MSI2: variants seen among roughly 807,000 people sequenced by gnomAD.
MSI2 encodes musashi RNA binding protein 2, also known as RNA-binding protein Musashi homolog 2.
MSI2 carries 17 observed loss-of-function variants against 45.6 expected under a neutral mutation model. The ratio of observed to expected loss-of-function variants is 0.37; its 90% CI spans 0.26 to 0.56. The LOEUF is 0.56. Ranked by LOEUF, MSI2 falls within the 20% of genes least tolerant of loss-of-function variation. MSI2 has a pLI of 0.77. For missense variants in MSI2, 293 were observed against 444.2 expected (o/e 0.66, Z 3.06); for synonymous variants, 156 against 158.2 (o/e 0.99, Z 0.11).
chr17:57,298,025 C>T (rs540331194), intron 5 of MSI2, among the ~76,000 whole-genome samples: 32 of 152,024 alleles, frequency 2.1e-4, no homozygotes, highest in African/African-American at 7.7e-4. Context: ...TTCTTTTAAA[C>T]TTCTGTTAAT....
chr17:57,450,250 C>A (rs1258724636), intron 6 of MSI2: 1 of 94,692 alleles, frequency 1.1e-5, no homozygotes, highest in Non-Finnish European at 1.9e-5. Context: ...TGGTATTCCC[C>A]AGCTTAAAGA....
At chr17:57,493,462 G>A (rs2085915924) in intron 6 of MSI2, among the ~76,000 whole-genome samples, 1 of 152,070 alleles carries the variant, frequency 6.6e-6, no homozygotes, top group East Asian at 1.9e-4. Flanking sequence ...TAAAGAGGCT[G>A]GCCATTTTGG....
chr17:57,620,022 C>G (rs927607838), intron 9 of MSI2, among the ~76,000 whole-genome samples: 1 of 152,224 alleles, frequency 6.6e-6, no homozygotes, highest in Non-Finnish European at 1.5e-5. Flanking sequence ...AGCCCAACCC[C>G]AGGTCACAGA....
chr17:57,606,896 G>T (rs977493612), intron 8 of MSI2, among the ~76,000 whole-genome samples: 4 of 149,240 alleles, frequency 2.7e-5, no homozygotes, highest in Non-Finnish European at 4.5e-5. Context: ...GTGGGGTGAT[G>T]GGGGGGGGTG....
At chr17:57,630,925 A>T (rs1015905403) in intron 10 of MSI2, 3 of 152,302 alleles carry the variant, frequency 2.0e-5, no homozygotes, top group Non-Finnish European at 4.4e-5. Flanking sequence ...GGACCCAGAG[A>T]TGGGGCAGCC....
chr17:57,528,288 A>G lies in MSI2; in HGVS notation c.406-1388A>G, dbSNP rs79844995. Among the ~76,000 whole-genome samples the G allele has an allele frequency of 2.9e-4, 44 of 152,292 alleles. No individual in the cohort carries two copies. The East Asian group carries it at 7.9e-3, about 27-fold the overall frequency. On this transcript the variant is annotated intron_variant, in intron 6 of 13. Transcript: ENST00000284073. ...ATAAAGGAGTGGGTCATAAATACTC[A>G]TAAAAGGAGTGCATTCCAGAGCGGA...
chr17:57,573,576 CA>C (rs1340376765), intron 7 of MSI2, among the ~76,000 whole-genome samples: 3 of 152,210 alleles, frequency 2.0e-5, no homozygotes, highest in Non-Finnish European at 2.9e-5. Context: ...GGCTGGGGAT[CA>C]ACCCCCATCA....
intron 6 of MSI2, among the ~76,000 whole-genome samples, chr17:57,504,416 G>T (rs1218026237): frequency 6.6e-6 from 1 of 152,228 alleles, no homozygotes; most frequent in Non-Finnish European, 1.5e-5. Context: ...GACTTGACTG[G>T]GGGTGTGCGT....
intron 12 of MSI2, among the ~76,000 whole-genome samples, chr17:57,675,328 A>G (rs1598517252): frequency 2.6e-5 from 4 of 152,126 alleles, no homozygotes; most frequent in Admixed American, 2.6e-4. Flanking sequence ...TGTGTGATGG[A>G]GCAGAAGGAG....
chr17:57,678,018 C>T (rs750955573), intron 13 of MSI2, among the ~76,000 whole-genome samples: 2 of 152,288 alleles, frequency 1.3e-5, no homozygotes, highest in East Asian at 1.9e-4. Context: ...GGATTCCACT[C>T]GGAAAATCCC....
intron 6 of MSI2, among the ~76,000 whole-genome samples, chr17:57,414,763 A>C (rs2143231693): frequency 6.6e-6 from 1 of 152,204 alleles, no homozygotes; most frequent in Middle Eastern, 3.4e-3. Context: ...GCATTTCCTT[A>C]TGTGAAACCC....
intron 13 of MSI2, 71 bp downstream of exon 13, chr17:57,677,130 T>A: frequency 1.0e-6 from 1 of 1,000,704 alleles, no homozygotes; most frequent in Non-Finnish European, 1.6e-6. Context: ...AGGTCATACA[T>A]GCACGTGCGT....
intron 5 of MSI2, among the ~76,000 whole-genome samples, chr17:57,322,096 C>T (rs1193944696): frequency 1.3e-5 from 2 of 152,142 alleles, no homozygotes; most frequent in Non-Finnish European, 1.5e-5. Flanking sequence ...CGCGCCCAGG[C>T]CTTGGGTTTA....
chr17:57,632,162 C>T (rs1290851862), intron 10 of MSI2: 7 of 1,185,196 alleles, frequency 5.9e-6, no homozygotes, highest in African/African-American at 3.1e-5. Flanking sequence ...AGGAAGAAGA[C>T]ATCAAATGTT....
At chr17:57,653,579 A>C (rs1911347864) in intron 11 of MSI2, among the ~76,000 whole-genome samples, 1 of 152,170 alleles carries the variant, frequency 6.6e-6, no homozygotes, top group Non-Finnish European at 1.5e-5. Flanking sequence ...TATCATTATA[A>C]ACAAGCCTTG....
chr17:57,340,800 C>T (rs541594073), intron 5 of MSI2, among the ~76,000 whole-genome samples: 16 of 152,258 alleles, frequency 1.1e-4, no homozygotes, highest in African/African-American at 2.6e-4. Flanking sequence ...CACTCTCTGC[C>T]GATTTCCAGC....
At chr17:57,487,143 G>C (rs1219287449) in intron 6 of MSI2, among the ~76,000 whole-genome samples, 2 of 152,208 alleles carry the variant, frequency 1.3e-5, no homozygotes, top group Non-Finnish European at 2.9e-5. Context: ...TTCAGATCAC[G>C]GGGTGAGGGA....
chr17:57,530,150 A>G (rs905507268), intron 7 of MSI2, among the ~76,000 whole-genome samples: 1 of 152,164 alleles, frequency 6.6e-6, no homozygotes, highest in East Asian at 1.9e-4. Flanking sequence ...AAAATAAAAC[A>G]TTGTAGGTTC....
intron 6 of MSI2, among the ~76,000 whole-genome samples, chr17:57,413,112 T>C (rs2084226820): frequency 1.3e-5 from 2 of 152,232 alleles, no homozygotes; most frequent in Admixed American, 6.5e-5. Context: ...GTTTCCACTT[T>C]AGTCCTGTCT....
Sources: gnomAD v4.1 joint callset for allele counts (sites outside exome capture counted in the v4.1 genomes callset) on GRCh38, gnomAD v4.1.1 for gene constraint, MANE v1.5 for transcripts, NCBI Gene and HGNC (gene_info 2026-07-23, HGNC 2026-07-21) for gene names.